Variants in DOCK7 observed in about 807,000 individuals in gnomAD.
The protein encoded by DOCK7 is dedicator of cytokinesis protein 7.
DOCK7 carries 138 observed loss-of-function variants against 271.0 expected under a neutral mutation model. The ratio of observed to expected loss-of-function variants is 0.51; its 90% confidence interval spans 0.44 to 0.59. DOCK7 has a LOEUF of 0.59. Among genes scored for constraint, DOCK7 ranks in the 20% least tolerant of loss-of-function variants. The pLI is 0.00. For synonymous variants in DOCK7, 823 were observed against 876.1 expected, an observed-to-expected ratio of 0.94 and a Z score of 1.07; for missense variants, 2,066 against 2,592.4, an observed-to-expected ratio of 0.80 and a Z score of 4.41.
intron 48 of DOCK7, among the ~76,000 whole-genome samples, chr1:62,471,423 A>G (rs1269182371): frequency 6.6e-6 from 1 of 152,122 alleles, no homozygotes; most frequent in African/African-American, 2.4e-5. Context: ...GTACTTTGGG[A>G]GGCTGAGGTG....
intron 14 of DOCK7, among the ~76,000 whole-genome samples, chr1:62,615,897 T>A (rs2149578579): frequency 6.6e-6 from 1 of 151,926 alleles, no homozygotes; most frequent in Admixed American, 6.6e-5. Flanking sequence ...ATTTTTATAC[T>A]TGAAAAATTT....
At chr1:62,634,737 T>C in intron 9 of DOCK7, 36 bp downstream of exon 9, 1 of 1,586,140 alleles carries the variant, frequency 6.3e-7, no homozygotes, top group South Asian at 1.1e-5. Flanking sequence ...ATACAGACAC[T>C]ACAAAATAAA....
intron 14 of DOCK7, among the ~76,000 whole-genome samples, chr1:62,607,504 A>G (rs574251070): frequency 2.6e-5 from 4 of 152,182 alleles, no homozygotes; most frequent in Admixed American, 6.5e-5. Context: ...GCTAGATTAT[A>G]TAAGTAGTCT....
In DOCK7 at chr1:62,545,002, C is replaced by T. The variant is rs1265240063; in HGVS notation, c.2804G>A (p.Gly935Asp). The change falls in exon 23 of 50, where the codon GGT becomes GAT. Residue 935 changes from glycine to aspartate, a missense_variant. Physicochemically the swap from Gly to Asp is moderately conservative, Grantham distance 94 (BLOSUM62 -1). This residue lies in a region of DOCK7 where 1,414 missense variants were observed against 1,670.4 expected (regional missense o/e 0.85). Transcript: ENST00000635253. ...DRSNSWVNTGGPKAAPWGSNP... is the reference protein window; with the variant it reads ...DRSNSWVNTGDPKAAPWGSNP... Reference sequence around the variant, plus strand: ...GGATCCCCATGGGGCAGCTTTTGGACCACCAGTGTTAACCCAGGAATTGGA... The same window carrying T: ...GGATCCCCATGGGGCAGCTTTTGGATCACCAGTGTTAACCCAGGAATTGGA... The T allele has an allele frequency of 6.5e-7, 1 of 1,549,756 alleles. No individual in the cohort carries two copies. The highest frequency in any genetic ancestry group is 1.4e-5 in the African/African-American group (1 of 73,106).
At chr1:62,624,983 CA>C (rs1188917378) in intron 12 of DOCK7, 28 of 211,900 alleles carry the variant, frequency 1.3e-4, no homozygotes, top group Non-Finnish European at 1.7e-4. Context: ...GAAAAAAAAA[CA>C]AAAAAAAACA....
chr1:62,542,187 G>GT (rs1280780427), intron 25 of DOCK7, among the ~76,000 whole-genome samples: 1 of 151,962 alleles, frequency 6.6e-6, no homozygotes, highest in African/African-American at 2.4e-5. Context: ...CAGTACTGTT[G>GT]TTTTTTTATT....
intron 31 of DOCK7, among the ~76,000 whole-genome samples, chr1:62,514,745 ATAACAT>A (rs1644608100): frequency 1.3e-5 from 2 of 152,152 alleles, no homozygotes; most frequent in Admixed American, 6.5e-5. Context: ...ACTGTAAACT[ATAACAT>A]TAACTATTAT....
rs34335688 is a variant in DOCK7, at chr1:62,527,874, T to TAA, written c.3936+275_3936+276dup. Among the ~76,000 whole-genome samples, 1,385 of 135,508 alleles carry TAA rather than the reference T, an allele frequency of 0.01. 10 individuals are homozygous for TAA. Among genetic ancestry groups the TAA allele is most frequent in the African/African-American group, 0.02 (750 of 36,696 alleles). 88.9% of individuals were successfully genotyped at this position (135,508 alleles called of 152,430 possible). Reference sequence around the variant, plus strand: ...CACATGTACCCTAAAACTTAAAGTATAAAAAAAAAAAAAAAAGAAATGAAC... The same window carrying TAA: ...CACATGTACCCTAAAACTTAAAGTATAAAAAAAAAAAAAAAAAAGAAATGAAC... On this transcript the variant is annotated intron_variant, in intron 31 of 49. Transcript: ENST00000635253.
chr1:62,588,432 T>A (rs559444151), intron 14 of DOCK7, among the ~76,000 whole-genome samples: 35 of 152,318 alleles, frequency 2.3e-4, no homozygotes, highest in African/African-American at 8.2e-4. Flanking sequence ...TTTTCATTTA[T>A]AAGATCCCCC....
At chr1:62,549,265 G>A (rs774828651) in intron 22 of DOCK7, among the ~76,000 whole-genome samples, 5 of 152,188 alleles carry the variant, frequency 3.3e-5, no homozygotes, top group East Asian at 3.9e-4. Context: ...GTAAAAGTAA[G>A]CCGAGTTCTG....
In DOCK7 at chr1:62,513,710, A is replaced by AGT; in HGVS notation, c.4119+5_4119+6insAC. 1 of 1,613,198 alleles carries AGT rather than the reference A, an allele frequency of 6.2e-7. No individual in the cohort carries two copies. The highest frequency in any genetic ancestry group is 8.5e-7 in the Non-Finnish European group (1 of 1,179,740). On this transcript the variant is annotated splice_donor_region_variant and intron_variant, in intron 32 of 49. Coordinates refer to ENST00000635253, the MANE Select transcript of DOCK7 (RefSeq NM_001367561.1). The stretch of plus-strand genomic sequence containing the variant: ...TGTTCTTTGCAATGGTACAATGACC[A>AGT]CTTACTTTATACTCAAAGCAAGACA...
chr1:62,484,477 G>A (rs1453547995), intron 43 of DOCK7: 1 of 152,022 alleles, frequency 6.6e-6, no homozygotes, highest in Non-Finnish European at 1.5e-5. Flanking sequence ...TTTGATAACT[G>A]AACAAACTTT....
chr1:62,472,027 T>A (rs1039673160), intron 48 of DOCK7, among the ~76,000 whole-genome samples: 1 of 151,778 alleles, frequency 6.6e-6, no homozygotes, highest in Non-Finnish European at 1.5e-5. Flanking sequence ...AAATAAAAAA[T>A]GTAGTATTGG....
intron 14 of DOCK7, among the ~76,000 whole-genome samples, chr1:62,594,645 A>G (rs1396375240): frequency 2.0e-5 from 3 of 152,178 alleles, no homozygotes; most frequent in Non-Finnish European, 4.4e-5. Context: ...GGTAAACACT[A>G]CTACGTATAC....
At position 62,496,226 on chromosome 1, in the gene DOCK7, G is replaced by A. The variant is rs1646617979; in HGVS notation, c.4923+113C>T. On this transcript the variant is annotated intron_variant, in intron 38 of 49. Transcript: ENST00000635253. ...ATCTATGGCACATGATGTGTGGATTGAAAATGAAATAAATGATCCTCCAGC... is the reference window on the plus strand; with the variant it reads ...ATCTATGGCACATGATGTGTGGATTAAAAATGAAATAAATGATCCTCCAGC... 5.0e-6 allele frequency: 6 copies of A among 1,196,688 alleles called. No homozygotes were observed. The South Asian group carries it at 8.1e-5, about 16-fold the overall frequency. The allele number at this position is 1,196,688 out of a possible 1,614,324, so 74.1% of individuals were successfully genotyped here.
chr1:62,580,189 T>C (rs1276506829), intron 16 of DOCK7, among the ~76,000 whole-genome samples: 2 of 152,136 alleles, frequency 1.3e-5, no homozygotes, highest in East Asian at 3.9e-4. Flanking sequence ...TCCTTCTATC[T>C]CAAATAAGCC....
At chr1:62,638,880 C>T (rs1655628137) in intron 7 of DOCK7, among the ~76,000 whole-genome samples, 2 of 151,622 alleles carry the variant, frequency 1.3e-5, no homozygotes, top group Admixed American at 6.6e-5. Flanking sequence ...TATTACAAAT[C>T]AAAAATGCAT....
At chr1:62,512,171 A>G (rs1644507427) in intron 33 of DOCK7, among the ~76,000 whole-genome samples, 1 of 152,244 alleles carries the variant, frequency 6.6e-6, no homozygotes, top group African/African-American at 2.4e-5. Context: ...TATTATGCTA[A>G]TGAACTGTCA....
At chr1:62,531,576 A>G (rs961011868) in intron 29 of DOCK7, among the ~76,000 whole-genome samples, 4 of 152,248 alleles carry the variant, frequency 2.6e-5, no homozygotes, top group African/African-American at 9.6e-5. Context: ...ATCATAGTGT[A>G]CTGTTTTGCA....
Sources: gnomAD v4.1 joint callset for allele counts (sites outside exome capture counted in the v4.1 genomes callset) on GRCh38, gnomAD v4.1.1 for gene constraint, gnomAD v4.1.1 regional missense constraint, MANE v1.5 for transcripts, NCBI Gene and HGNC (gene_info 2026-07-23, HGNC 2026-07-21) for gene names.